The following CACUL1 variants were observed in gnomAD, a reference collection of about 807,000 sequenced individuals.
CACUL1 encodes the protein CDK2 associated cullin domain 1.
CACUL1 carries 13 observed loss-of-function variants against 45.2 expected under a neutral mutation model. The ratio of observed to expected loss-of-function variants is 0.29; its 90% CI spans 0.19 to 0.46. The LOEUF (loss-of-function observed/expected upper bound fraction) is 0.46, where lower values mean the gene tolerates loss of function less well. CACUL1 is among the 20% of genes least tolerant of loss of function. The probability of loss-of-function intolerance (pLI) is 1.00; values close to 1 mark genes in which losing one functional copy is unlikely to be tolerated. For missense variants in CACUL1, 421 were observed against 471.4 expected (o/e 0.89, Z 0.99); for synonymous variants, 197 against 174.2 (o/e 1.13, Z -1.03).
At chr10:118,715,693 T>C (rs920796446) in intron 3 of CACUL1, among the ~76,000 whole-genome samples, 5 of 152,152 alleles carry the variant, frequency 3.3e-5, no homozygotes, top group African/African-American at 1.2e-4. Context: ...TCCCTCCTCC[T>C]CTACCTACCC....
intron 3 of CACUL1, among the ~76,000 whole-genome samples, chr10:118,725,586 G>A (rs17586720): frequency 0.098 from 14,947 of 152,200 alleles, 784 homozygotes; most frequent in Admixed American, 0.16. Flanking sequence ...AAAATGTATA[G>A]ATACACATGC....
chr10:118,730,322 A>G lies in CACUL1; in HGVS notation c.456T>C (p.Pro152=). 1.2e-6 allele frequency: 2 copies of G among 1,614,102 alleles called. No homozygotes were observed. The highest frequency in any genetic ancestry group is 1.7e-6 in the Non-Finnish European group (2 of 1,179,938). The part of the protein sequence containing the change: ...GAIDQLLTQS[P]GDYIPISYEQ... ...CATAGGATATGGGGATATAGTCACC[A>G]GGACTCTGAGTTAAAAGTTGATCTA... Residue 152 remains proline (P), a synonymous_variant, in exon 2 of 9, where the codon CCT becomes CCC. Transcript: ENST00000369151.
intron 3 of CACUL1, 197 bp downstream of exon 3, chr10:118,729,098 T>TTAAA (rs1845676412): frequency 2.0e-6 from 1 of 500,706 alleles, no homozygotes; most frequent in Admixed American, 4.0e-5. Flanking sequence ...ATCCAAAAAT[T>TTAAA]TCCACAATTT....
At chr10:118,729,101 C>A in intron 3 of CACUL1, 194 bp downstream of exon 3, 3 of 500,232 alleles carry the variant, frequency 6.0e-6, no homozygotes, top group Non-Finnish European at 3.5e-6. Flanking sequence ...CAAAAATTTC[C>A]ACAATTTATA....
At chr10:118,716,704 G>A (rs190106003) in intron 3 of CACUL1, among the ~76,000 whole-genome samples, 163 of 150,620 alleles carry the variant, frequency 1.1e-3, no homozygotes, top group Admixed American at 2.5e-3. Flanking sequence ...CCAGGTTCAC[G>A]CCATTCTCCT....
At chr10:118,740,305 T>G (rs1323809672) in intron 1 of CACUL1, among the ~76,000 whole-genome samples, 1 of 152,208 alleles carries the variant, frequency 6.6e-6, no homozygotes, top group Non-Finnish European at 1.5e-5. Context: ...AAATATGGCT[T>G]ACTGATTAAA....
intron 4 of CACUL1, among the ~76,000 whole-genome samples, chr10:118,707,027 C>T (rs1845438753): frequency 6.6e-6 from 1 of 152,154 alleles, no homozygotes; most frequent in Admixed American, 6.5e-5. Context: ...AGGGAGGAAG[C>T]TGATCAACAA....
At chr10:118,686,568 A>G (rs1464080546) in intron 8 of CACUL1, 30 bp downstream of exon 8, 7 of 1,568,644 alleles carry the variant, frequency 4.5e-6, no homozygotes, top group Non-Finnish European at 6.1e-6. Context: ...TCACAGAACC[A>G]TCAAGATGGG....
At chr10:118,706,927 TAAAG>T (rs1845437933) in intron 4 of CACUL1, among the ~76,000 whole-genome samples, 2 of 152,306 alleles carry the variant, frequency 1.3e-5, no homozygotes, top group Middle Eastern at 3.4e-3. Flanking sequence ...ACTAGTCTAA[TAAAG>T]AAGAACGGGG....
chr10:118,696,475 C>T (rs1399251926), intron 5 of CACUL1, among the ~76,000 whole-genome samples: 1 of 152,186 alleles, frequency 6.6e-6, no homozygotes, highest in African/African-American at 2.4e-5. Context: ...ACCCCCGTCT[C>T]TACTAAAAAT....
chr10:118,705,153 AG>A (rs2119587309), intron 4 of CACUL1, among the ~76,000 whole-genome samples: 1 of 152,316 alleles, frequency 6.6e-6, no homozygotes, highest in East Asian at 1.9e-4. Flanking sequence ...GAAGAGATTA[AG>A]TTAGCTGTCT....
chr10:118,696,617 T>C (rs1845325966), intron 5 of CACUL1, among the ~76,000 whole-genome samples: 1 of 152,212 alleles, frequency 6.6e-6, no homozygotes, highest in Admixed American at 6.5e-5. Context: ...CACTCCAGCT[T>C]GGGTAACACA....
chr10:118,735,630 T>C (rs967763538), intron 1 of CACUL1, among the ~76,000 whole-genome samples: 1 of 152,194 alleles, frequency 6.6e-6, no homozygotes, highest in African/African-American at 2.4e-5. Flanking sequence ...ATTGCTAATA[T>C]ATGGCTTGTC....
In CACUL1 at chr10:118,707,176, A is replaced by G. The variant is rs1394769347; in HGVS notation, c.693+316T>C. On this transcript the variant is annotated intron_variant, in intron 4 of 8. Transcript: ENST00000369151. Reference sequence around the variant, plus strand: ...ACTTTCTGAGGACAAGAAATCTTACATATCTTTATATTTCTGGAACCAAAC... The same window carrying G: ...ACTTTCTGAGGACAAGAAATCTTACGTATCTTTATATTTCTGGAACCAAAC... Among the ~76,000 whole-genome samples, 3 of 152,232 alleles carry G rather than the reference A, an allele frequency of 2.0e-5. 1 individual carries two copies. The highest frequency in any genetic ancestry group is 4.4e-5 in the Non-Finnish European group (3 of 68,032).
chr10:118,754,821 G>A lies in CACUL1; in HGVS notation c.-59C>T, dbSNP rs1845941495. The A allele has an allele frequency of 2.7e-6, 4 of 1,500,544 alleles. No individual in the cohort carries two copies. The highest frequency in any genetic ancestry group is 1.3e-5 in the South Asian group (1 of 74,100). The allele number at this position is 1,500,544 out of a possible 1,614,324, so 93.0% of individuals were successfully genotyped here. On this transcript the variant is annotated 5_prime_UTR_variant, in exon 1 of 9. Coordinates refer to ENST00000369151, the MANE Select transcript of CACUL1 (RefSeq NM_153810.5). ...GCACCTGCCGCCTGTCTCAACCCCG[G>A]GCCAGCGGGCACCGCTGCCTCCCCG...
chr10:118,702,377 GGA>G (rs2119579327), intron 4 of CACUL1, among the ~76,000 whole-genome samples: 1 of 152,238 alleles, frequency 6.6e-6, no homozygotes, highest in East Asian at 1.9e-4. Flanking sequence ...CCGATGTTAC[GGA>G]GAGCAGAGAG....
rs1214332337 is a variant in CACUL1, at chr10:118,679,077, T to C, written c.*7051A>G. 1 of 152,220 alleles carries C rather than the reference T, an allele frequency of 6.6e-6. No homozygotes were observed. Among genetic ancestry groups the C allele is most frequent in the Non-Finnish European group, 1.5e-5 (1 of 68,040 alleles). The allele number at this position is 152,220 out of a possible 1,614,324, so 9.4% of individuals were successfully genotyped here. A position where few individuals can be genotyped will look rare whatever the true frequency, so the allele number is the denominator to read the frequency against. ...TCGACAGGGTCTCACTCTGTTATCCTAGCTGAAATGCAGTGGTATCATCAT... is the reference window on the plus strand; with the variant it reads ...TCGACAGGGTCTCACTCTGTTATCCCAGCTGAAATGCAGTGGTATCATCAT... On this transcript the variant is annotated 3_prime_UTR_variant, in exon 9 of 9. Coordinates refer to ENST00000369151, the MANE Select transcript of CACUL1 (RefSeq NM_153810.5).
chr10:118,687,969 A>T (rs1460060294), intron 7 of CACUL1, among the ~76,000 whole-genome samples: 1 of 152,256 alleles, frequency 6.6e-6, no homozygotes, highest in Admixed American at 6.5e-5. Context: ...TTGACAAAGT[A>T]GTAACTTGTA....
At chr10:118,714,898 A>G (rs1845527187) in intron 3 of CACUL1, among the ~76,000 whole-genome samples, 1 of 151,988 alleles carries the variant, frequency 6.6e-6, no homozygotes, top group African/African-American at 2.4e-5. Flanking sequence ...TTACTTACAG[A>G]CCCCCCTGAA....
Sources: allele counts gnomAD v4.1 joint callset (sites outside exome capture counted in the v4.1 genomes callset), GRCh38; gene constraint gnomAD v4.1.1; transcripts MANE v1.5; gene names NCBI Gene and HGNC (gene_info 2026-07-23, HGNC 2026-07-21).